PTPRJ: variants seen among roughly 807,000 people sequenced by gnomAD.
PTPRJ encodes the protein receptor-type tyrosine-protein phosphatase eta.
Under a neutral mutation model 141.3 loss-of-function variants are expected in PTPRJ, and 129 were observed. The ratio of observed to expected loss-of-function variants is 0.91; its 90% CI spans 0.79 to 1.06. The LOEUF (loss-of-function observed/expected upper bound fraction) is 1.06. Ranked by LOEUF, PTPRJ falls within the 50% of genes least tolerant of loss-of-function variation. The pLI is 0.00. For synonymous variants in PTPRJ, 610 were observed against 640.5 expected (o/e 0.95, Z 0.72); for missense variants, 1,601 against 1,679.7 (o/e 0.95, Z 0.82).
intron 3 of PTPRJ, among the ~76,000 whole-genome samples, chr11:48,119,724 T>G (rs1228805549): frequency 1.3e-5 from 2 of 152,184 alleles, no homozygotes; most frequent in Admixed American, 6.5e-5. Flanking sequence ...TTTTTATTGA[T>G]TGGATGAATG....
At position 48,136,292 on chromosome 11, in the gene PTPRJ, C is replaced by T. The variant is rs1262101117; in HGVS notation, c.1869C>T (p.Tyr623=). ...VWGDPNSTAQ[Y]TRPSNVSNID... ...GGGACCCCAACTCCACTGCACAGTA[C>T]ACACGTAAGTCTCTTAGGATGCCCT... The change falls in exon 9 of 25, where the codon TAC becomes TAT. Residue 623 remains tyrosine, a synonymous_variant. Transcript: ENST00000418331. 1 of 1,613,908 alleles carries T rather than the reference C, an allele frequency of 6.2e-7. No individual in the cohort carries two copies. Among genetic ancestry groups the T allele is most frequent in the Non-Finnish European group, 8.5e-7 (1 of 1,179,920 alleles).
At chr11:48,125,709 G>C (rs1055224613) in intron 6 of PTPRJ, among the ~76,000 whole-genome samples, 1 of 152,182 alleles carries the variant, frequency 6.6e-6, no homozygotes, top group South Asian at 2.1e-4. Context: ...GAAAAGAGCG[G>C]GAGGTGAACA....
intron 1 of PTPRJ, chr11:48,044,928 C>A (rs1854352697): frequency 6.6e-6 from 1 of 152,262 alleles, no homozygotes; most frequent in Non-Finnish European, 1.5e-5. Context: ...GGGATGATCT[C>A]TTTTTCACTT....
intron 1 of PTPRJ, among the ~76,000 whole-genome samples, chr11:47,998,372 G>A (rs899882249): frequency 2.6e-5 from 4 of 152,166 alleles, no homozygotes; most frequent in Non-Finnish European, 5.9e-5. Context: ...CATATCCCAA[G>A]TACATTGATT....
chr11:48,092,037 T>G (rs978063796), intron 1 of PTPRJ, among the ~76,000 whole-genome samples: 2 of 151,902 alleles, frequency 1.3e-5, no homozygotes, highest in African/African-American at 4.8e-5. Flanking sequence ...GGCTCATGCC[T>G]GTAATCCCAG....
intron 1 of PTPRJ, among the ~76,000 whole-genome samples, chr11:48,106,167 T>C (rs1856283020): frequency 6.6e-6 from 1 of 152,218 alleles, no homozygotes; most frequent in South Asian, 2.1e-4. Flanking sequence ...AGGGCCTGGC[T>C]GTCACCACTG....
At chr11:48,004,338 T>C (rs1854572832) in intron 1 of PTPRJ, among the ~76,000 whole-genome samples, 1 of 152,242 alleles carries the variant, frequency 6.6e-6, no homozygotes, top group Admixed American at 6.5e-5. Flanking sequence ...CCTTAGTTTC[T>C]TTACTTGTAA....
intron 1 of PTPRJ, among the ~76,000 whole-genome samples, chr11:47,983,157 G>GCCTGGGCCACCT (rs1853957993): frequency 6.6e-6 from 1 of 152,070 alleles, no homozygotes; most frequent in African/African-American, 2.4e-5. Context: ...CTGGGTCACC[G>GCCTGGGCCACCT]GCCTGGGCCT....
rs769111115 is a variant in PTPRJ, at chr11:48,108,859, C to T, written c.97-1199C>T. Among the ~76,000 whole-genome samples, 55 of 152,150 alleles carry T rather than the reference C, an allele frequency of 3.6e-4. 1 individual carries two copies. The highest frequency in any genetic ancestry group is 3.3e-3 in the Admixed American group (50 of 15,270). ...GAGGACCTGGGGGCAAGACTTTCCC[C>T]CTCTGGGCTCGTTCTTTCCTTCCTG... On this transcript the variant is annotated intron_variant, in intron 1 of 24. Coordinates refer to ENST00000418331, the MANE Select transcript of PTPRJ (RefSeq NM_002843.4).
Position 47,980,889 on chromosome 11 carries a change from G to A in PTPRJ, c.-24G>A, listed in dbSNP as rs1408621740. On this transcript the variant is annotated 5_prime_UTR_variant, in exon 1 of 25. Transcript: ENST00000418331. ...GGCGGGGCCCGATTCGCGCGTCCGG[G>A]GCACGTTCCAGGGCGCGCGGGGCAT... 1 of 1,132,526 alleles carries A rather than the reference G, an allele frequency of 8.8e-7. No homozygotes were observed. The highest frequency in any genetic ancestry group is 1.1e-6 in the Non-Finnish European group (1 of 925,378). The allele number at this position is 1,132,526 out of a possible 1,614,324, so 70.2% of individuals were successfully genotyped here.
chr11:48,001,607 C>G (rs1379174019), intron 1 of PTPRJ, among the ~76,000 whole-genome samples: 1 of 152,162 alleles, frequency 6.6e-6, no homozygotes, highest in Non-Finnish European at 1.5e-5. Flanking sequence ...TTCTGCCAGA[C>G]ACTGTACCCA....
intron 1 of PTPRJ, among the ~76,000 whole-genome samples, chr11:48,085,268 T>G (rs985203871): frequency 6.6e-6 from 1 of 152,218 alleles, no homozygotes; most frequent in African/African-American, 2.4e-5. Flanking sequence ...ACTTTTTTTT[T>G]TTTTTGTATT....
At chr11:48,131,596 G>A (rs989721571) in intron 8 of PTPRJ, 22 of 752,138 alleles carry the variant, frequency 2.9e-5, no homozygotes, top group Non-Finnish European at 5.2e-5. Context: ...TTGGCTCATT[G>A]TCTGTTTTTG....
intron 1 of PTPRJ, among the ~76,000 whole-genome samples, chr11:47,998,539 A>G (rs1026434137): frequency 3.3e-5 from 5 of 152,090 alleles, no homozygotes; most frequent in Admixed American, 6.5e-5. Flanking sequence ...TCTCGCTTCT[A>G]TTGCTTTGTG....
At chr11:48,123,243 G>C (rs961898816) in intron 4 of PTPRJ, among the ~76,000 whole-genome samples, 2 of 152,320 alleles carry the variant, frequency 1.3e-5, no homozygotes, top group South Asian at 4.1e-4. Context: ...TTGAGGCTTT[G>C]TTCCTGATAT....
chr11:47,984,630 C>T (rs1853999514), intron 1 of PTPRJ, among the ~76,000 whole-genome samples: 1 of 151,294 alleles, frequency 6.6e-6, no homozygotes, highest in African/African-American at 2.4e-5. Flanking sequence ...GCAATCTTGG[C>T]TCACCGCAAC....
At chr11:48,025,084 G>A (rs1233712647) in intron 1 of PTPRJ, among the ~76,000 whole-genome samples, 1 of 152,228 alleles carries the variant, frequency 6.6e-6, no homozygotes, top group East Asian at 1.9e-4. Flanking sequence ...GGCAGGCTAT[G>A]GGATCTGGGA....
intron 1 of PTPRJ, among the ~76,000 whole-genome samples, chr11:48,053,710 G>A (rs1854671343): frequency 6.7e-6 from 1 of 149,364 alleles, no homozygotes; most frequent in Admixed American, 6.8e-5. Context: ...CCAAGCAGCT[G>A]GGATTACAGG....
intron 1 of PTPRJ, among the ~76,000 whole-genome samples, chr11:48,056,815 G>A (rs754627681): frequency 2.0e-5 from 3 of 152,208 alleles, no homozygotes; most frequent in African/African-American, 4.8e-5. Context: ...TTAGCTGGGT[G>A]TAGTGGTGCA....
Sources: gnomAD v4.1 joint callset for allele counts (sites outside exome capture counted in the v4.1 genomes callset) on GRCh38, gnomAD v4.1.1 for gene constraint, MANE v1.5 for transcripts, NCBI Gene and HGNC (gene_info 2026-07-23, HGNC 2026-07-21) for gene names.